Variants in BRWD1 observed in about 807,000 individuals in gnomAD.
BRWD1 encodes the protein bromodomain and WD repeat-containing protein 1.
A neutral mutation model predicts 251.2 loss-of-function variants in BRWD1; 82 were observed. The ratio of observed to expected loss-of-function variants is 0.33; its 90% CI spans 0.27 to 0.39. The LOEUF is 0.39. Ranked by LOEUF, BRWD1 falls within the 10% of genes least tolerant of loss-of-function variation. BRWD1 has a pLI of 1.00. For missense variants in BRWD1, 2,233 were observed against 2,711.6 expected, an observed-to-expected ratio of 0.82 and a Z score of 3.92; for synonymous variants, 918 against 902.8, an observed-to-expected ratio of 1.02 and a Z score of -0.30.
At position 39,292,118 on chromosome 21, in the gene BRWD1, GGGGT is replaced by G. The variant is rs1361467267; in HGVS notation, c.831+1689_831+1692del. 4.4e-3 allele frequency among the ~76,000 whole-genome samples: 197 copies of G among 45,090 alleles called. 15 individuals carry two copies. The highest frequency in any genetic ancestry group is 6.9e-3 in the Non-Finnish European group (128 of 18,546). 29.6% of individuals were successfully genotyped at this position (45,090 alleles called of 152,430 possible). On this transcript the variant is annotated intron_variant, in intron 8 of 40. Transcript: ENST00000342449. ...TACCTTGCCAAACTATTTTTTGTGG[GGGGT>G]GGGTGGGGGTGGGGGGGGGGGTCTC... is the stretch of plus-strand genomic sequence containing the variant.
At chr21:39,264,782 A>G in intron 16 of BRWD1, 97 bp from the exon 17 acceptor site, 4 of 1,516,822 alleles carry the variant, frequency 2.6e-6, no homozygotes, top group African/African-American at 2.8e-5. Flanking sequence ...AAACAAGGAA[A>G]TCAAATCACT....
At chr21:39,231,587 A>G (rs957385163) in intron 25 of BRWD1, among the ~76,000 whole-genome samples, 17 of 152,316 alleles carry the variant, frequency 1.1e-4, no homozygotes, top group African/African-American at 3.8e-4. Context: ...CACAGAATTA[A>G]AAGTTCCAAA....
intron 36 of BRWD1, 73 bp downstream of exon 36, chr21:39,209,922 A>G (rs2032582349): frequency 6.9e-7 from 1 of 1,450,802 alleles, no homozygotes; most frequent in African/African-American, 1.4e-5. Context: ...ACACTGGAAA[A>G]AATTACTATT....
upstream of BRWD1, among the ~76,000 whole-genome samples, chr21:39,317,784 C>T (rs1171503330): frequency 6.6e-6 from 1 of 152,240 alleles, no homozygotes; most frequent in Non-Finnish European, 1.5e-5. Context: ...GGCGTAGTGG[C>T]TCTCGTCTGT....
Position 39,232,193 on chromosome 21 carries a change from C to G in BRWD1, c.2984G>C (p.Arg995Thr), listed in dbSNP as rs368994367. The G allele has an allele frequency of 1.2e-6, 2 of 1,609,956 alleles. No homozygotes were observed. Among genetic ancestry groups the G allele is most frequent in the Admixed American group, 1.7e-5 (1 of 59,866 alleles). ...YELNPNKEPW[R>T]KMDLRDQELV... ...TCATCCTACCCTAAGATCCATTTTT[C>G]TCCATGGCTCCTTATTAGGGTTCAG... Residue 995 changes from arginine (R) to threonine (T), a missense_variant, in exon 25 of 41, where the codon AGA becomes ACA. By Grantham distance (71) the Arg-to-Thr change is moderately conservative. This residue lies in a region of BRWD1 where 139 missense variants were observed against 272.8 expected (regional missense o/e 0.51). Transcript: ENST00000342449.
rs932116909 is a variant in BRWD1 at position 39,289,256 on chromosome 21, A to G, written c.831+4555T>C. Reference sequence around the variant, plus strand: ...TTGCTATACTTTTGGCTGTTATTCTAGAGATTTCAAAATGCATCTTCATCT... The same window carrying G: ...TTGCTATACTTTTGGCTGTTATTCTGGAGATTTCAAAATGCATCTTCATCT... On this transcript the variant is annotated intron_variant, in intron 8 of 40. Coordinates refer to ENST00000342449, the MANE Select transcript of BRWD1 (RefSeq NM_033656.4). Among the ~76,000 whole-genome samples the G allele has an allele frequency of 3.3e-5, 5 of 152,320 alleles. No homozygotes were observed. In the South Asian group the frequency reaches 1.0e-3, roughly 32 times the overall value.
intron 29 of BRWD1, chr21:39,219,366 GC>G (rs1179328260): frequency 2.6e-5 from 4 of 152,576 alleles, no homozygotes; most frequent in South Asian, 4.1e-4. Context: ...GTTGCAGTGA[GC>G]CGAGATTGTG....
At chr21:39,259,583 G>A (rs528900506) in intron 17 of BRWD1, among the ~76,000 whole-genome samples, 17 of 152,080 alleles carry the variant, frequency 1.1e-4, no homozygotes, top group South Asian at 4.1e-4. Context: ...CAGCCGGGGC[G>A]TGGTGGCTCA....
chr21:39,302,278 C>A (rs2036144373), intron 4 of BRWD1, among the ~76,000 whole-genome samples: 1 of 151,966 alleles, frequency 6.6e-6, no homozygotes, highest in Non-Finnish European at 1.5e-5. Flanking sequence ...GCCACCAAGC[C>A]CAGCCAAACC....
intron 10 of BRWD1, chr21:39,278,453 T>C (rs932392711): frequency 4.0e-5 from 13 of 325,800 alleles, no homozygotes; most frequent in African/African-American, 2.8e-4. Flanking sequence ...ATCACAAATT[T>C]AGATTATCAT....
At position 39,312,954 on chromosome 21, in the gene BRWD1, GGGGGGCGGGGGGCC is replaced by G. The variant is rs1568986110; in HGVS notation, c.139-68_139-55del. 8.4e-5 allele frequency: 35 copies of G among 416,324 alleles called. 1 individual carries two copies. In the East Asian group the frequency reaches 9.0e-4, roughly 11 times the overall value. The allele number at this position is 416,324 out of a possible 1,614,324, so 25.8% of individuals were successfully genotyped here. A position where few individuals can be genotyped will look rare whatever the true frequency, so the allele number is the denominator to read the frequency against. On this transcript the variant is annotated intron_variant, in intron 3 of 40. Coordinates refer to ENST00000342449, the MANE Select transcript of BRWD1 (RefSeq NM_033656.4). ...ACCACCCCTCCGGCGCGGGGGGGGC[GGGGGGCGGGGGGCC>G]GGGGGCGGGCGGCGGGCGGCGGGCG...
Position 39,192,886 on chromosome 21 carries a change from A to T in BRWD1, c.*3373T>A. 1.1e-6 allele frequency: 1 copy of T among 926,884 alleles called. No individual in the cohort carries two copies. Among genetic ancestry groups the T allele is most frequent in the Non-Finnish European group, 1.3e-6 (1 of 782,566 alleles). 57.4% of individuals were successfully genotyped at this position (926,884 alleles called of 1,614,324 possible). On this transcript the variant is annotated 3_prime_UTR_variant, in exon 41 of 41. Coordinates refer to ENST00000342449, the MANE Select transcript of BRWD1 (RefSeq NM_033656.4). ...AAATATTAAAATTCTTCCTATTTTT[A>T]ATATCAAACAGGGAGGTTAGTAAAT...
In BRWD1 at chr21:39,192,145, A is replaced by C. The variant is rs1453893442; in HGVS notation, c.*4114T>G. On this transcript the variant is annotated 3_prime_UTR_variant, in exon 41 of 41. Transcript: ENST00000342449. ...CTTGGCAGATTATGAAAAAGGTAAA[A>C]ATCTCTTACTTTTGAGAATCCCCAT... The C allele has an allele frequency of 1.0e-6, 1 of 985,192 alleles. No homozygotes were observed. Among genetic ancestry groups the C allele is most frequent in the Non-Finnish European group, 1.2e-6 (1 of 829,758 alleles). The allele number at this position is 985,192 out of a possible 1,614,324, so 61.0% of individuals were successfully genotyped here. A position where few individuals can be genotyped will look rare whatever the true frequency, so the allele number is the denominator to read the frequency against.
chr21:39,226,040 GAA>G (rs1308036849), intron 27 of BRWD1, among the ~76,000 whole-genome samples: 1 of 152,090 alleles, frequency 6.6e-6, no homozygotes, highest in Non-Finnish European at 1.5e-5. Context: ...AAACATGTTA[GAA>G]GAGAGTCTTT....
intron 25 of BRWD1, 23 bp from the exon 26 acceptor site, chr21:39,229,459 T>A: frequency 6.3e-7 from 1 of 1,580,892 alleles, no homozygotes; most frequent in Non-Finnish European, 8.7e-7. Context: ...TATTTTTTAA[T>A]GGTTAAAATA....
chr21:39,207,201 G>A (rs1383152655), intron 36 of BRWD1, among the ~76,000 whole-genome samples: 3 of 152,032 alleles, frequency 2.0e-5, no homozygotes, highest in East Asian at 1.9e-4. Context: ...TTGGGAGGCC[G>A]AGGCAGGCAG....
Position 39,193,822 on chromosome 21 carries a change from A to T in BRWD1, c.*2437T>A. On this transcript the variant is annotated 3_prime_UTR_variant, in exon 41 of 41. Coordinates refer to ENST00000342449, the MANE Select transcript of BRWD1 (RefSeq NM_033656.4). ...AAGGCCAAACATGTTCTAGTGCTCAATGTAAACATTTTAACTATTAATGAT... is the reference window on the plus strand; with the variant it reads ...AAGGCCAAACATGTTCTAGTGCTCATTGTAAACATTTTAACTATTAATGAT... The T allele has an allele frequency of 1.0e-6, 1 of 985,520 alleles. No homozygotes were observed. Among genetic ancestry groups the T allele is most frequent in the Non-Finnish European group, 1.2e-6 (1 of 829,638 alleles). The allele number at this position is 985,520 out of a possible 1,614,324, so 61.0% of individuals were successfully genotyped here.
At chr21:39,316,999 C>G (rs935496576), upstream of BRWD1, 5 of 152,334 alleles carry the variant, frequency 3.3e-5, no homozygotes, top group African/African-American at 1.2e-4. Context: ...CCTTTTACAA[C>G]TTACTATCAC....
At position 39,283,128 on chromosome 21, in the gene BRWD1, G is replaced by C. The variant is rs564893104; in HGVS notation, c.832-2880C>G. Reference sequence around the variant, plus strand: ...GATATATACTGTTTTCTTTATAACAGCTCTAAAACATTTTTATATCTCCAG... The same window carrying C: ...GATATATACTGTTTTCTTTATAACACCTCTAAAACATTTTTATATCTCCAG... On this transcript the variant is annotated intron_variant, in intron 8 of 40. Transcript: ENST00000342449. 1.7e-4 allele frequency among the ~76,000 whole-genome samples: 26 copies of C among 152,120 alleles called. 2 individuals are homozygous for C. The highest frequency in any genetic ancestry group is 6.3e-4 in the African/African-American group (26 of 41,516).
Sources: allele counts gnomAD v4.1 joint callset (sites outside exome capture counted in the v4.1 genomes callset), GRCh38; gene constraint gnomAD v4.1.1; regional missense constraint gnomAD v4.1.1; transcripts MANE v1.5; gene names NCBI Gene and HGNC (gene_info 2026-07-23, HGNC 2026-07-21).